Variants in CHODL observed in about 807,000 individuals in gnomAD.
CHODL encodes the protein chondrolectin.
A neutral mutation model predicts 34.5 loss-of-function variants in CHODL; 29 were observed. The ratio of observed to expected loss-of-function variants is 0.84; its 90% CI spans 0.63 to 1.15. CHODL has a LOEUF of 1.15. Among genes scored for constraint, CHODL ranks in the 50% most tolerant of loss-of-function variants. CHODL has a pLI of 0.00. For synonymous variants in CHODL, 125 were observed against 116.1 expected, an observed-to-expected ratio of 1.08 and a Z score of -0.49; for missense variants, 332 against 332.5, an observed-to-expected ratio of 1.00 and a Z score of 0.01.
chr21:17,926,037 C>T (rs1003810735), intron 1 of CHODL, among the ~76,000 whole-genome samples: 2 of 152,048 alleles, frequency 1.3e-5, no homozygotes, highest in Admixed American at 6.6e-5. Context: ...ATAATGAGAA[C>T]ATAAAAACTC....
chr21:18,258,472 G>T (rs1162149581), intron 3 of CHODL, among the ~76,000 whole-genome samples: 1 of 131,544 alleles, frequency 7.6e-6, no homozygotes, highest in Non-Finnish European at 1.8e-5. Flanking sequence ...ACCCTTCATT[G>T]TATTATATTT....
chr21:18,239,667 A>G (rs1230483862), intron 2 of CHODL, among the ~76,000 whole-genome samples: 1 of 152,090 alleles, frequency 6.6e-6, no homozygotes, highest in East Asian at 1.9e-4. Context: ...ACTTTTATAG[A>G]AAATATCTTG....
chr21:17,974,015 C>T (rs1482988357), intron 1 of CHODL, among the ~76,000 whole-genome samples: 1 of 152,110 alleles, frequency 6.6e-6, no homozygotes, highest in Non-Finnish European at 1.5e-5. Context: ...ATGACAATGG[C>T]TTATCTACTT....
chr21:17,949,876 G>A (rs886988533), intron 1 of CHODL, among the ~76,000 whole-genome samples: 8 of 152,030 alleles, frequency 5.3e-5, no homozygotes, highest in African/African-American at 1.9e-4. Flanking sequence ...AAGTAAAGAT[G>A]GAATATTTCC....
intron 2 of CHODL, among the ~76,000 whole-genome samples, chr21:18,162,642 T>A (rs939001719): frequency 3.4e-4 from 52 of 152,294 alleles, no homozygotes; most frequent in African/African-American, 1.2e-3. Flanking sequence ...GTCTTCAACA[T>A]TTGAATGTGA....
chr21:18,239,808 T>C lies in CHODL; in HGVS notation c.-44-16701T>C, dbSNP rs138627414. 3.3e-3 allele frequency among the ~76,000 whole-genome samples: 508 copies of C among 152,192 alleles called. 2 individuals carry two copies. The highest frequency in any genetic ancestry group is 0.012 in the African/African-American group (482 of 41,546). ...GTGGCATCTGTGATATGTTGATTTA[T>C]TAGTCAAAGGACCATAGAAAATTTT... is the stretch of plus-strand genomic sequence containing the variant. On this transcript the variant is annotated intron_variant, in intron 2 of 6. Coordinates refer to the CHODL transcript ENST00000400127.
chr21:17,918,167 G>A (rs58041219), intron 1 of CHODL, among the ~76,000 whole-genome samples: 3,695 of 151,794 alleles, frequency 0.024, 138 homozygotes, highest in African/African-American at 0.084. Context: ...GGTGAGGGGG[G>A]TTTTCAAGTT....
chr21:18,248,911 TAA>T (rs2074191780), intron 1 of CHODL, among the ~76,000 whole-genome samples: 1 of 116,258 alleles, frequency 8.6e-6, no homozygotes, highest in African/African-American at 3.6e-5. Context: ...TATATATGTA[TAA>T]TACATATATA....
chr21:18,010,118 CAAAAAAAAAAA>C (rs547675850), intron 1 of CHODL, among the ~76,000 whole-genome samples: 5 of 61,216 alleles, frequency 8.2e-5, no homozygotes, highest in Non-Finnish European at 1.5e-4. Flanking sequence ...TACTAAAATA[CAAAAAAAAAAA>C]AAAAAAAAAA....
At chr21:18,237,678 A>G (rs929388897) in intron 2 of CHODL, among the ~76,000 whole-genome samples, 6 of 152,258 alleles carry the variant, frequency 3.9e-5, no homozygotes, top group African/African-American at 1.2e-4. Context: ...ATTAAAAAAC[A>G]TTAATTCAGA....
chr21:18,019,549 T>C (rs2064108291), intron 1 of CHODL, among the ~76,000 whole-genome samples: 1 of 152,204 alleles, frequency 6.6e-6, no homozygotes. Flanking sequence ...GTGATTATTA[T>C]ACATTGTATG....
intron 2 of CHODL, among the ~76,000 whole-genome samples, chr21:18,131,110 CAG>C (rs956175535): frequency 1.3e-5 from 2 of 151,656 alleles, no homozygotes; most frequent in Admixed American, 6.6e-5. Flanking sequence ...GAGAGGAAGA[CAG>C]AGAGAGAAAG....
intron 2 of CHODL, among the ~76,000 whole-genome samples, chr21:18,130,459 CTTTAA>C (rs1253821649): frequency 1.3e-5 from 2 of 151,954 alleles, no homozygotes; most frequent in Non-Finnish European, 2.9e-5. Flanking sequence ...TGTTTTAATA[CTTTAA>C]ATAGAGTATA....
chr21:18,123,073 A>C (rs776569947), intron 2 of CHODL, among the ~76,000 whole-genome samples: 8 of 152,212 alleles, frequency 5.3e-5, no homozygotes, highest in Admixed American at 3.3e-4. Flanking sequence ...AAGTAGCCGA[A>C]ACTCTTTCAT....
chr21:18,128,473 C>T (rs762282218), intron 2 of CHODL, among the ~76,000 whole-genome samples: 1 of 151,912 alleles, frequency 6.6e-6, no homozygotes, highest in Non-Finnish European at 1.5e-5. Context: ...ACAAAAATGA[C>T]TCATTCCATT....
intron 2 of CHODL, among the ~76,000 whole-genome samples, chr21:18,040,192 A>C (rs1453194277): frequency 6.6e-6 from 1 of 151,916 alleles, no homozygotes; most frequent in African/African-American, 2.4e-5. Flanking sequence ...ATGGTCATGC[A>C]AACTTTGGTA....
chr21:18,158,848 AAAAAAAAG>A (rs1346673053), intron 2 of CHODL, among the ~76,000 whole-genome samples: 1 of 151,522 alleles, frequency 6.6e-6, no homozygotes, highest in African/African-American at 2.4e-5. Context: ...TAAAAAAAAA[AAAAAAAAG>A]AAGAAGAAAA....
At chr21:18,153,053 A>G (rs149301652) in intron 2 of CHODL, among the ~76,000 whole-genome samples, 1 of 152,204 alleles carries the variant, frequency 6.6e-6, no homozygotes, top group East Asian at 1.9e-4. Flanking sequence ...TGATCAATAC[A>G]CTCTATATTA....
chr21:18,020,770 G>A (rs982389643), intron 1 of CHODL, among the ~76,000 whole-genome samples: 2 of 152,076 alleles, frequency 1.3e-5, no homozygotes, highest in Non-Finnish European at 2.9e-5. Flanking sequence ...TTTAAATAAG[G>A]TCATAAGGGT....
Sources: gnomAD v4.1 joint callset for allele counts (sites outside exome capture counted in the v4.1 genomes callset) on GRCh38, gnomAD v4.1.1 for gene constraint, MANE v1.5 for transcripts, NCBI Gene and HGNC (gene_info 2026-07-23, HGNC 2026-07-21) for gene names.